Variants in TRIO observed in about 807,000 individuals in gnomAD.
TRIO encodes triple functional domain protein.
A neutral mutation model predicts 351.9 loss-of-function variants in TRIO; 58 were observed. That is an observed-to-expected ratio of 0.16 (90% CI 0.13 to 0.21). TRIO has a LOEUF of 0.21. TRIO is among the 10% of genes least tolerant of loss of function. The probability of loss-of-function intolerance (pLI) is 1.00; values close to 1 mark genes in which losing one functional copy is unlikely to be tolerated. For synonymous variants in TRIO, 1,758 were observed against 1,595.7 expected, an observed-to-expected ratio of 1.10 and a Z score of -2.42; for missense variants, 3,201 against 4,027.8, an observed-to-expected ratio of 0.79 and a Z score of 5.56.
chr5:14,381,241 A>T lies in TRIO; in HGVS notation c.3559A>T (p.Ile1187Leu). The change falls in exon 21 of 57, where the codon ATA (isoleucine) becomes TTA (leucine). Residue 1187 changes from isoleucine to leucine, a missense_variant. By Grantham distance (5) the Ile-to-Leu change is conservative (BLOSUM62 2). Coordinates refer to ENST00000344204, the MANE Select transcript of TRIO (RefSeq NM_007118.4). ...ELLKEHEEFQ[I>L]TAKQTKERVK... is the part of the protein sequence containing the mutation. The stretch of plus-strand genomic sequence containing the variant: ...CCTGAAAGAGCACGAGGAGTTCCAG[A>T]TAACTGCAAAGGTGGGTTCAGAGTG... 6.2e-7 allele frequency: 1 copy of T among 1,611,680 alleles called. No individual in the cohort carries two copies. The highest frequency in any genetic ancestry group is 1.7e-4 in the Middle Eastern group (1 of 6,046).
chr5:14,277,776 T>C (rs1735671131), intron 2 of TRIO, among the ~76,000 whole-genome samples: 1 of 152,228 alleles, frequency 6.6e-6, no homozygotes, highest in South Asian at 2.1e-4. Context: ...GTGTAGTTGA[T>C]TTTAAGCTCC....
rs1011525095 is a variant in TRIO at position 14,509,136 on chromosome 5, T to C, written c.*714T>C. The C allele has an allele frequency of 1.7e-5, 4 of 229,800 alleles. No homozygotes were observed. The highest frequency in any genetic ancestry group is 1.3e-4 in the South Asian group (3 of 23,086). The allele number at this position is 229,800 out of a possible 1,614,324, so 14.2% of individuals were successfully genotyped here. ...CTTCCCATCACATGAAGACATCAGG[T>C]TGGGTCCTGCCCCACTGCCCCTCCC... On this transcript the variant is annotated 3_prime_UTR_variant, in exon 57 of 57. Coordinates refer to ENST00000344204, the MANE Select transcript of TRIO (RefSeq NM_007118.4).
chr5:14,199,216 A>AC (rs1226366305), intron 1 of TRIO, among the ~76,000 whole-genome samples: 4 of 149,570 alleles, frequency 2.7e-5, no homozygotes, highest in Non-Finnish European at 5.9e-5. Flanking sequence ...AAAAAAAAAA[A>AC]AAACCTCCCT....
At chr5:14,221,022 T>G (rs548772344) in intron 1 of TRIO, among the ~76,000 whole-genome samples, 1 of 152,316 alleles carries the variant, frequency 6.6e-6, no homozygotes, top group East Asian at 1.9e-4. Flanking sequence ...GCGACTTTCT[T>G]GTTGGGGGCT....
chr5:14,330,637 C>G, intron 9 of TRIO, 141 bp from the exon 10 acceptor site: 1 of 1,050,784 alleles, frequency 9.5e-7, no homozygotes, highest in Non-Finnish European at 1.3e-6. Context: ...TATCCAATTA[C>G]TTCTTCCCAT....
At position 14,472,668 on chromosome 5, in the gene TRIO, G is replaced by A. The variant is rs200157822; in HGVS notation, c.5979+10G>A. The A allele has an allele frequency of 1.2e-6, 2 of 1,613,210 alleles. No individual in the cohort carries two copies. The highest frequency in any genetic ancestry group is 1.1e-5 in the South Asian group (1 of 90,992). ...TGGCTATGTGGTTGAGGTGTGTATT[G>A]CCAGAAATTTAGTATCTTCGTATCA... is the stretch of plus-strand genomic sequence containing the variant. On this transcript the variant is annotated intron_variant, in intron 39 of 56. Transcript: ENST00000344204.
intron 33 of TRIO, among the ~76,000 whole-genome samples, chr5:14,414,190 A>G (rs1749443326): frequency 6.6e-6 from 1 of 152,146 alleles, no homozygotes; most frequent in Non-Finnish European, 1.5e-5. Context: ...TCCACTTCAT[A>G]GCCAGAAAGC....
chr5:14,181,045 C>T (rs888922334), intron 1 of TRIO, among the ~76,000 whole-genome samples: 11 of 151,258 alleles, frequency 7.3e-5, no homozygotes, highest in African/African-American at 2.4e-4. Flanking sequence ...TCCTTGTTTC[C>T]ATTATATGGA....
intron 1 of TRIO, among the ~76,000 whole-genome samples, chr5:14,173,335 C>G (rs1003319302): frequency 1.3e-5 from 2 of 151,566 alleles, no homozygotes; most frequent in African/African-American, 2.4e-5. Flanking sequence ...CTCAGCCTCC[C>G]GAGTAGCTGG....
intron 8 of TRIO, 51 bp from the exon 9 acceptor site, chr5:14,316,462 C>G: frequency 6.3e-7 from 1 of 1,596,244 alleles, no homozygotes; most frequent in Non-Finnish European, 8.6e-7. Context: ...TGTGGCACAG[C>G]CTAGGCCAAA....
chr5:14,483,360 C>T (rs190281893), intron 46 of TRIO, among the ~76,000 whole-genome samples: 5 of 152,326 alleles, frequency 3.3e-5, no homozygotes, highest in Admixed American at 3.3e-4. Context: ...GAGGTCCCAG[C>T]AGATGACTCC....
chr5:14,339,067 T>C (rs1034748116), intron 11 of TRIO, among the ~76,000 whole-genome samples: 1 of 152,076 alleles, frequency 6.6e-6, no homozygotes, highest in African/African-American at 2.4e-5. Context: ...CAAAAGCTGT[T>C]ACCTACAAAT....
intron 46 of TRIO, among the ~76,000 whole-genome samples, chr5:14,483,762 C>T (rs1413420272): frequency 6.6e-6 from 1 of 152,218 alleles, no homozygotes; most frequent in Non-Finnish European, 1.5e-5. Flanking sequence ...CACCACCCGC[C>T]TGCCCCTCCA....
chr5:14,329,967 C>T (rs1005214406), intron 9 of TRIO, among the ~76,000 whole-genome samples: 2 of 152,150 alleles, frequency 1.3e-5, no homozygotes, highest in South Asian at 2.1e-4. Context: ...CCCTTCTGTA[C>T]GGAGAGCCGA....
At chr5:14,347,835 T>A (rs961570003) in intron 11 of TRIO, among the ~76,000 whole-genome samples, 2 of 152,218 alleles carry the variant, frequency 1.3e-5, no homozygotes, top group African/African-American at 4.8e-5. Context: ...CAAGGGCCTG[T>A]CAGATACGTC....
At chr5:14,174,212 G>A (rs1248342963) in intron 1 of TRIO, among the ~76,000 whole-genome samples, 1 of 152,216 alleles carries the variant, frequency 6.6e-6, no homozygotes, top group East Asian at 1.9e-4. Flanking sequence ...AGCATGCAGA[G>A]TTTGCCCTAC....
intron 18 of TRIO, among the ~76,000 whole-genome samples, chr5:14,372,292 A>T (rs1328949718): frequency 6.6e-6 from 1 of 150,754 alleles, no homozygotes; most frequent in Non-Finnish European, 1.5e-5. Context: ...GCGAGCTTGG[A>T]AAACCTTGCC....
rs1431885348 is a variant in TRIO at position 14,291,111 on chromosome 5, C to T, written c.936C>T (p.Ser312=). 2 of 1,614,168 alleles carry T rather than the reference C, an allele frequency of 1.2e-6. No individual in the cohort carries two copies. Among genetic ancestry groups the T allele is most frequent in the Non-Finnish European group, 8.5e-7 (1 of 1,180,034 alleles). Residue 312 remains serine, a synonymous_variant, in exon 5 of 57, where the codon TCC becomes TCT. Coordinates refer to ENST00000344204, the MANE Select transcript of TRIO (RefSeq NM_007118.4). Reference sequence around the variant, plus strand: ...TGCAGAACCTCTTGCCCAAGGTGTCCACCATGCTGGACCGGCTGCACTCGA... The same window carrying T: ...TGCAGAACCTCTTGCCCAAGGTGTCTACCATGCTGGACCGGCTGCACTCGA... The part of the protein sequence containing the change: ...ADLQNLLPKV[S]TMLDRLHSTR...
chr5:14,251,237 A>G (rs941024901), intron 1 of TRIO, among the ~76,000 whole-genome samples: 2 of 152,086 alleles, frequency 1.3e-5, no homozygotes, highest in African/African-American at 4.8e-5. Context: ...TAAAAGTGAA[A>G]CTGTCTTGAT....
Sources: allele counts gnomAD v4.1 joint callset (sites outside exome capture counted in the v4.1 genomes callset), GRCh38; gene constraint gnomAD v4.1.1; transcripts MANE v1.5; gene names NCBI Gene and HGNC (gene_info 2026-07-23, HGNC 2026-07-21).